Variants in ERAP1 observed in about 807,000 individuals in gnomAD.
The protein encoded by ERAP1 is adipocyte-derived leucine aminopeptidase.
ERAP1 carries 86 observed loss-of-function variants against 103.7 expected under a neutral mutation model. The ratio of observed to expected loss-of-function variants is 0.83; its 90% CI spans 0.70 to 0.99. The LOEUF (loss-of-function observed/expected upper bound fraction) is 0.99. Among genes scored for constraint, ERAP1 ranks in the 50% least tolerant of loss-of-function variants. The pLI is 0.00. For synonymous variants in ERAP1, 398 were observed against 402.4 expected (o/e 0.99, Z 0.13); for missense variants, 1,009 against 1,128.4 (o/e 0.89, Z 1.52).
chr5:96,886,041 G>A, the ERAP1 span, among the ~76,000 whole-genome samples: 5 of 152,228 alleles, frequency 3.3e-5, no homozygotes, highest in Non-Finnish European at 4.4e-5. Context: ...GCAAGTGAGA[G>A]AATGAGCATC....
downstream of ERAP1, chr5:96,771,789 TTGAGTAATTCATG>T: frequency 1.3e-6 from 1 of 764,990 alleles, no homozygotes; most frequent in Non-Finnish European, 2.3e-6. Flanking sequence ...AGTCCACCTC[TTGAGTAATTCATG>T]CTCACTTTAC....
At chr5:96,879,886 AAGGCTCCCC>A in the ERAP1 span, 1 of 1,614,162 alleles carries the variant, frequency 6.2e-7, no homozygotes, top group East Asian at 2.2e-5. Context: ...GGCAGGAGCT[AAGGCTCCCC>A]AGTGTGGTCA....
At chr5:96,876,521 A>T in the ERAP1 span, 1 of 152,382 alleles carries the variant, frequency 6.6e-6, no homozygotes, top group Admixed American at 6.5e-5. Context: ...CAGCAGCATG[A>T]TTTAAGGTAA....
At chr5:96,819,952 C>G in the ERAP1 span, among the ~76,000 whole-genome samples, 2 of 152,024 alleles carry the variant, frequency 1.3e-5, no homozygotes, top group South Asian at 4.2e-4. Context: ...ATAATTTTGC[C>G]GAGACGTAGG....
the ERAP1 span, chr5:96,901,748 C>G: frequency 6.6e-7 from 1 of 1,510,338 alleles, no homozygotes; most frequent in Non-Finnish European, 9.0e-7. Context: ...CCTTAGCTTT[C>G]TCTCAGCTCA....
At chr5:96,828,518 C>T in the ERAP1 span, among the ~76,000 whole-genome samples, 1 of 151,932 alleles carries the variant, frequency 6.6e-6, no homozygotes, top group Non-Finnish European at 1.5e-5. Context: ...GTTCATTTTT[C>T]AAAAAGAACT....
At chr5:96,899,126 A>C in the ERAP1 span, among the ~76,000 whole-genome samples, 1 of 152,202 alleles carries the variant, frequency 6.6e-6, no homozygotes, top group African/African-American at 2.4e-5. Context: ...TCAAAAGATA[A>C]AGTAATCATC....
chr5:96,769,071 C>G (rs558087245), intron 19 of ERAP1: 7 of 152,352 alleles, frequency 4.6e-5, no homozygotes, highest in African/African-American at 1.7e-4. Context: ...CCTCAAGCTA[C>G]ACCCTCTTGT....
At chr5:96,896,376 G>A in the ERAP1 span, 1 of 1,608,408 alleles carries the variant, frequency 6.2e-7, no homozygotes, top group Non-Finnish European at 8.5e-7. Flanking sequence ...TGTTTAGGAT[G>A]ACTATTTTTT....
chr5:96,854,767 C>T, the ERAP1 span, among the ~76,000 whole-genome samples: 2 of 152,116 alleles, frequency 1.3e-5, no homozygotes, highest in Non-Finnish European at 2.9e-5. Flanking sequence ...GGCCTTTTAC[C>T]ATGGAGTCAT....
At chr5:96,763,823 T>G (rs1768846249) in intron 19 of ERAP1, among the ~76,000 whole-genome samples, 1 of 152,182 alleles carries the variant, frequency 6.6e-6, no homozygotes, top group Non-Finnish European at 1.5e-5. Flanking sequence ...ACAGGAAAAC[T>G]GCTTCAAAGA....
At chr5:96,913,055 T>G in the ERAP1 span, among the ~76,000 whole-genome samples, 1 of 152,192 alleles carries the variant, frequency 6.6e-6, no homozygotes, top group Non-Finnish European at 1.5e-5. Context: ...AAAATTATTG[T>G]TGTAAAAATA....
At chr5:96,848,032 C>T in the ERAP1 span, among the ~76,000 whole-genome samples, 1 of 151,754 alleles carries the variant, frequency 6.6e-6, no homozygotes, top group Non-Finnish European at 1.5e-5. Flanking sequence ...AAACCAAGAG[C>T]TTGTTTTTTT....
rs938631373 is a variant in ERAP1, at chr5:96,775,363, A to C, written c.*1033T>G. On this transcript the variant is annotated 3_prime_UTR_variant, in exon 19 of 19. Coordinates refer to ENST00000443439, the MANE Select transcript of ERAP1 (RefSeq NM_001040458.3). ...CTATCATTTATTGGTGACTGCAATA[A>C]TTTACTGTCAGTAAATGCCAATAAC... is the stretch of plus-strand genomic sequence containing the variant. 2 of 985,032 alleles carry C rather than the reference A, an allele frequency of 2.0e-6. No individual in the cohort carries two copies. The highest frequency in any genetic ancestry group is 1.2e-4 in the Admixed American group (2 of 16,206). The allele number at this position is 985,032 out of a possible 1,614,324, so 61.0% of individuals were successfully genotyped here. A position where few individuals can be genotyped will look rare whatever the true frequency, so the allele number is the denominator to read the frequency against.
the ERAP1 span, among the ~76,000 whole-genome samples, chr5:96,841,747 CT>C: frequency 0.19 from 21,089 of 108,238 alleles, 1,513 homozygotes; most frequent in East Asian, 0.39. Flanking sequence ...TCTTCTTCTT[CT>C]TTTTTTTTTT....
At chr5:96,877,912 T>C in the ERAP1 span, among the ~76,000 whole-genome samples, 4 of 152,326 alleles carry the variant, frequency 2.6e-5, no homozygotes, top group African/African-American at 7.2e-5. Flanking sequence ...TGCATTAATA[T>C]TGCAAATTGA....
Position 96,774,655 on chromosome 5 carries a change from C to G in ERAP1, c.*1741G>C, listed in dbSNP as rs1039377553. ...GTTTCATTAATCAAGGCATAAAATA[C>G]AATTAAAGCAAAATATTTTACATTA... On this transcript the variant is annotated 3_prime_UTR_variant, in exon 19 of 19. Coordinates refer to ENST00000443439, the MANE Select transcript of ERAP1 (RefSeq NM_001040458.3). 1 of 983,862 alleles carries G rather than the reference C, an allele frequency of 1.0e-6. No homozygotes were observed. The highest frequency in any genetic ancestry group is 1.1e-4 in the East Asian group (1 of 8,928). The allele number at this position is 983,862 out of a possible 1,614,324, so 60.9% of individuals were successfully genotyped here. A position where few individuals can be genotyped will look rare whatever the true frequency, so the allele number is the denominator to read the frequency against.
At chr5:96,822,938 T>C in the ERAP1 span, 1 of 415,102 alleles carries the variant, frequency 2.4e-6, no homozygotes, top group Non-Finnish European at 4.9e-6. Context: ...CAGTCTCACC[T>C]GAGGCATGAC....
intron 3 of ERAP1, among the ~76,000 whole-genome samples, chr5:96,799,419 C>A (rs1415987872): frequency 1.3e-5 from 2 of 151,726 alleles, no homozygotes; most frequent in African/African-American, 4.8e-5. Flanking sequence ...TCCAAAGGGA[C>A]AACATTGCAT....
Sources: allele counts gnomAD v4.1 joint callset (sites outside exome capture counted in the v4.1 genomes callset), GRCh38; gene constraint gnomAD v4.1.1; transcripts MANE v1.5; gene names NCBI Gene and HGNC (gene_info 2026-07-23, HGNC 2026-07-21).